The following ATXN7L1 variants were observed in gnomAD, a reference collection of about 807,000 sequenced individuals.
ATXN7L1 encodes ataxin 7 like 1.
ATXN7L1 carries 15 observed loss-of-function variants against 70.8 expected under a neutral mutation model. That is an observed-to-expected ratio of 0.21 (90% confidence interval 0.14 to 0.33). The LOEUF is 0.33. ATXN7L1 is among the 10% of genes least tolerant of loss of function. ATXN7L1 has a pLI of 1.00. For missense variants in ATXN7L1, 975 were observed against 1,097.1 expected (o/e 0.89, Z 1.57); for synonymous variants, 440 against 445.1 (o/e 0.99, Z 0.14).
At chr7:105,626,996 T>C (rs1449018014) in intron 7 of ATXN7L1, among the ~76,000 whole-genome samples, 1 of 152,210 alleles carries the variant, frequency 6.6e-6, no homozygotes, top group African/African-American at 2.4e-5. Flanking sequence ...TATATAGAAC[T>C]ATATCATTTT....
intron 4 of ATXN7L1, among the ~76,000 whole-genome samples, chr7:105,664,563 A>ATGTG (rs201514886): frequency 1.5e-5 from 2 of 134,736 alleles, no homozygotes; most frequent in Admixed American, 7.2e-5. Flanking sequence ...TATATATATT[A>ATGTG]TGTATGTGTG....
At chr7:105,691,465 C>T (rs924015222) in intron 3 of ATXN7L1, 1 of 151,804 alleles carries the variant, frequency 6.6e-6, no homozygotes, top group East Asian at 1.9e-4. Flanking sequence ...TATGCATCCC[C>T]GTTTCTTCAA....
At chr7:105,870,175 G>C (rs764577680) in intron 2 of ATXN7L1, among the ~76,000 whole-genome samples, 4 of 151,880 alleles carry the variant, frequency 2.6e-5, no homozygotes, top group East Asian at 1.9e-4. Context: ...CCAGCTACTC[G>C]GGAGCCTGAG....
rs55703123 is a variant in ATXN7L1 at position 105,790,606 on chromosome 7, TTATCTATCTATC to T, written c.251-1910_251-1899del. 2.6e-3 allele frequency among the ~76,000 whole-genome samples: 350 copies of T among 133,578 alleles called. 7 individuals carry two copies. Among genetic ancestry groups the T allele is most frequent in the Middle Eastern group, 3.6e-3 (1 of 276 alleles). The allele number at this position is 133,578 out of a possible 152,430, so 87.6% of individuals were successfully genotyped here. ...AGAAAGAAAAAGAAAAAGAAAAAAA[TTATCTATCTATC>T]TATCTATCTATCTATCTATCTATCT... On this transcript the variant is annotated intron_variant, in intron 2 of 11. Transcript: ENST00000419735.
Position 105,613,825 on chromosome 7 carries a change from CCA to C in ATXN7L1, c.2472+35_2472+36del, listed in dbSNP as rs1562886636. ...GGCGCTGCCCAGCTCCCCCTGCCCC[CCA>C]GAGCCGGTGAAGGCGGTGCCAGGAG... On this transcript the variant is annotated intron_variant, in intron 10 of 11. Transcript: ENST00000419735. 5 of 1,551,730 alleles carry C rather than the reference CCA, an allele frequency of 3.2e-6. No individual in the cohort carries two copies. In the South Asian group the frequency reaches 4.8e-5, roughly 15 times the overall value.
At chr7:105,840,374 G>A (rs953366660) in intron 2 of ATXN7L1, among the ~76,000 whole-genome samples, 1 of 152,166 alleles carries the variant, frequency 6.6e-6, no homozygotes, top group East Asian at 1.9e-4. Context: ...CGAAGAGGAG[G>A]GGCCAGAGCA....
intron 11 of ATXN7L1, among the ~76,000 whole-genome samples, chr7:105,609,019 A>G (rs7787289): frequency 0.045 from 6,838 of 152,266 alleles, 215 homozygotes; most frequent in Non-Finnish European, 0.063. Context: ...ACAGGTGTAC[A>G]CACCGACTAC....
intron 2 of ATXN7L1, among the ~76,000 whole-genome samples, chr7:105,840,087 C>T (rs1812978873): frequency 6.6e-6 from 1 of 152,160 alleles, no homozygotes; most frequent in Admixed American, 6.5e-5. Context: ...GTGGAGAGCA[C>T]AGGGACTCTG....
At chr7:105,661,904 T>C (rs1801666292) in intron 4 of ATXN7L1, among the ~76,000 whole-genome samples, 1 of 152,182 alleles carries the variant, frequency 6.6e-6, no homozygotes, top group African/African-American at 2.4e-5. Context: ...CTTTCTCTTC[T>C]TCCCACAGGT....
At chr7:105,855,139 C>G (rs1815531872) in intron 2 of ATXN7L1, among the ~76,000 whole-genome samples, 1 of 151,962 alleles carries the variant, frequency 6.6e-6, no homozygotes, top group Non-Finnish European at 1.5e-5. Context: ...ATTTTTAGTA[C>G]AGATGGGGTT....
intron 3 of ATXN7L1, among the ~76,000 whole-genome samples, chr7:105,704,684 A>G (rs1015255903): frequency 1.0e-4 from 14 of 138,790 alleles, no homozygotes; most frequent in African/African-American, 3.8e-4. Context: ...ACCTCTACTC[A>G]CTGCAACCTC....
rs575072356 is a variant in ATXN7L1 at position 105,698,846 on chromosome 7, T to C, written c.356-33558A>G. Among the ~76,000 whole-genome samples the C allele has an allele frequency of 1.2e-4, 18 of 152,368 alleles. No individual in the cohort carries two copies. The South Asian group carries it at 1.9e-3, about 16-fold the overall frequency. On this transcript the variant is annotated intron_variant, in intron 3 of 11. Coordinates refer to ENST00000419735, the MANE Select transcript of ATXN7L1 (RefSeq NM_020725.2). The stretch of plus-strand genomic sequence containing the variant: ...CTATCTTTGCATGCTAGCCAGAGCA[T>C]AGAAACTTTGCTATGTGTTTTAAAT...
At chr7:105,742,285 C>G (rs1798095924) in intron 3 of ATXN7L1, among the ~76,000 whole-genome samples, 1 of 152,216 alleles carries the variant, frequency 6.6e-6, no homozygotes, top group Non-Finnish European at 1.5e-5. Flanking sequence ...TTCAAGACTA[C>G]CAGCCTTTTT....
intron 10 of ATXN7L1, chr7:105,613,616 T>C (rs1047654695): frequency 1.5e-6 from 2 of 1,370,622 alleles, no homozygotes; most frequent in Middle Eastern, 1.9e-4. Flanking sequence ...CACTGGGGTG[T>C]CGTGAGGACT....
At chr7:105,787,440 C>G (rs1458587976) in intron 3 of ATXN7L1, among the ~76,000 whole-genome samples, 9 of 152,084 alleles carry the variant, frequency 5.9e-5, no homozygotes, top group Admixed American at 5.9e-4. Context: ...CTCCGTAAGC[C>G]TGAATTCTAC....
chr7:105,863,874 C>CA (rs1045992321), intron 2 of ATXN7L1, among the ~76,000 whole-genome samples: 7 of 151,718 alleles, frequency 4.6e-5, no homozygotes, highest in African/African-American at 7.3e-5. Context: ...ACAAAACAAA[C>CA]AAAAAAACAC....
chr7:105,825,909 AC>A (rs1810800513), intron 2 of ATXN7L1, among the ~76,000 whole-genome samples: 2 of 152,156 alleles, frequency 1.3e-5, no homozygotes, highest in African/African-American at 2.4e-5. Context: ...ACATACCTTC[AC>A]TGAGAATGGA....
At chr7:105,711,272 CCTGGCCCCTCCCAAATCTCATGTCCTT>C (rs1319979588) in intron 3 of ATXN7L1, among the ~76,000 whole-genome samples, 21 of 152,158 alleles carry the variant, frequency 1.4e-4, no homozygotes, top group African/African-American at 4.6e-4. Context: ...ATCATCTGTC[CCTGGCCCCTCCCAAATCTCATGTCCTT>C]CTCACACTGC....
At chr7:105,794,613 T>A (rs1437260707) in intron 2 of ATXN7L1, among the ~76,000 whole-genome samples, 1 of 152,234 alleles carries the variant, frequency 6.6e-6, no homozygotes, top group Non-Finnish European at 1.5e-5. Flanking sequence ...AGACAGGTTT[T>A]ATGAACTGAA....
Sources: gnomAD v4.1 joint callset for allele counts (sites outside exome capture counted in the v4.1 genomes callset) on GRCh38, gnomAD v4.1.1 for gene constraint, MANE v1.5 for transcripts, NCBI Gene and HGNC (gene_info 2026-07-23, HGNC 2026-07-21) for gene names.